SFT2D2: variants seen among roughly 807,000 people sequenced by gnomAD.
SFT2D2 encodes the protein SFT2 domain containing 2, also known as vesicle transport protein SFT2B.
A neutral mutation model predicts 27.4 loss-of-function variants in SFT2D2; 21 were observed. That is an observed-to-expected ratio of 0.77 (90% confidence interval 0.54 to 1.10). The LOEUF is 1.10. Among genes scored for constraint, SFT2D2 ranks in the 50% least tolerant of loss-of-function variants. The pLI is 0.00. For synonymous variants in SFT2D2, 72 were observed against 71.7 expected (o/e 1.00, Z -0.02); for missense variants, 187 against 194.2 (o/e 0.96, Z 0.22).
Position 168,250,305 on chromosome 1 carries a change from C to T in SFT2D2, c.*7765C>T, listed in dbSNP as rs1228703749. ...GAGGAAGAAATCCATTTCAAATCTGCTGAAACCTGTTACCAAGCAACAGCA... is the reference window on the plus strand; with the variant it reads ...GAGGAAGAAATCCATTTCAAATCTGTTGAAACCTGTTACCAAGCAACAGCA... On this transcript the variant is annotated 3_prime_UTR_variant, in exon 8 of 8. Transcript: ENST00000271375. The T allele has an allele frequency of 6.6e-6, 1 of 152,194 alleles. No homozygotes were observed. Among genetic ancestry groups the T allele is most frequent in the East Asian group, 1.9e-4 (1 of 5,204 alleles). 9.4% of individuals were successfully genotyped at this position (152,194 alleles called of 1,614,324 possible).
At position 168,236,767 on chromosome 1, in the gene SFT2D2, CGTG is replaced by C; in HGVS notation, c.413_413+2del. ...TGCATTTTGCAGTCTTTGGCATTGA[CGTG>C]GTAAGTAACCTTTTAAACAATCCCC... On this transcript the variant is annotated inframe_deletion and splice_region_variant, in exon 6 of 8. Transcript: ENST00000271375. The C allele has an allele frequency of 6.2e-7, 1 of 1,614,120 alleles. No individual in the cohort carries two copies. Among genetic ancestry groups the C allele is most frequent in the Non-Finnish European group, 8.5e-7 (1 of 1,179,974 alleles).
intron 1 of SFT2D2, among the ~76,000 whole-genome samples, chr1:168,227,251 T>G (rs1339435833): frequency 6.6e-6 from 1 of 152,240 alleles, no homozygotes; most frequent in African/African-American, 2.4e-5. Flanking sequence ...AAATAACGTT[T>G]CTCTTCGCTT....
rs1181265567 is a variant in SFT2D2 at position 168,243,300 on chromosome 1, C to T, written c.*760C>T. 1 of 101,906 alleles carries T rather than the reference C, an allele frequency of 9.8e-6. No individual in the cohort carries two copies. Among genetic ancestry groups the T allele is most frequent in the Non-Finnish European group, 2.6e-5 (1 of 38,364 alleles). 6.3% of individuals were successfully genotyped at this position (101,906 alleles called of 1,614,324 possible). A position where few individuals can be genotyped will look rare whatever the true frequency, so the allele number is the denominator to read the frequency against. ...AACAGAGCAGCAGCAGAAAATGCTG[C>T]TGTTTTTTTTTTGGACGAGAGCCCA... is the stretch of plus-strand genomic sequence containing the variant. On this transcript the variant is annotated 3_prime_UTR_variant, in exon 8 of 8. Transcript: ENST00000271375.
intron 6 of SFT2D2, among the ~76,000 whole-genome samples, chr1:168,238,704 A>AT (rs1230039671): frequency 6.6e-6 from 1 of 152,010 alleles, no homozygotes; most frequent in East Asian, 1.9e-4. Flanking sequence ...TCTCAAAAAA[A>AT]AAAATAAATA....
intron 3 of SFT2D2, among the ~76,000 whole-genome samples, chr1:168,233,354 C>G (rs1467173563): frequency 6.6e-6 from 1 of 152,196 alleles, no homozygotes; most frequent in Non-Finnish European, 1.5e-5. Context: ...TTCCTTTGGA[C>G]TCTCAGTATC....
At chr1:168,237,274 C>T (rs944211812) in intron 6 of SFT2D2, among the ~76,000 whole-genome samples, 1 of 152,130 alleles carries the variant, frequency 6.6e-6, no homozygotes, top group Non-Finnish European at 1.5e-5. Flanking sequence ...AATGGAAAAA[C>T]GTGTGTCTGT....
chr1:168,239,770 A>G (rs1424559694), intron 7 of SFT2D2, among the ~76,000 whole-genome samples: 1 of 151,948 alleles, frequency 6.6e-6, no homozygotes, highest in Non-Finnish European at 1.5e-5. Flanking sequence ...GGACCTCTCA[A>G]AATTAGCCGC....
rs1397692041 is a variant in SFT2D2 at position 168,252,340 on chromosome 1, T to A, written c.*9800T>A. ...CCCCGATATAAATGGACTAGCTACC[T>A]GGACATAATATCCTTGTGAGGCATC... On this transcript the variant is annotated 3_prime_UTR_variant, in exon 8 of 8. Coordinates refer to ENST00000271375, the MANE Select transcript of SFT2D2 (RefSeq NM_199344.3). 1 of 152,234 alleles carries A rather than the reference T, an allele frequency of 6.6e-6. No homozygotes were observed. Among genetic ancestry groups the A allele is most frequent in the Admixed American group, 6.5e-5 (1 of 15,276 alleles). The allele number at this position is 152,234 out of a possible 1,614,324, so 9.4% of individuals were successfully genotyped here. A position where few individuals can be genotyped will look rare whatever the true frequency, so the allele number is the denominator to read the frequency against.
At chr1:168,231,665 G>C in intron 2 of SFT2D2, 65 bp downstream of exon 2, 1 of 1,533,666 alleles carries the variant, frequency 6.5e-7, no homozygotes, top group Non-Finnish European at 9.0e-7. Context: ...TCCCCCTTTT[G>C]TCCACCTCCT....
chr1:168,234,935 T>G (rs1235884674), intron 3 of SFT2D2, among the ~76,000 whole-genome samples, 166 bp from the exon 4 acceptor site: 1 of 152,216 alleles, frequency 6.6e-6, no homozygotes, highest in Non-Finnish European at 1.5e-5. Context: ...AGGTTGGTTG[T>G]TGATGGATTA....
chr1:168,226,047 T>G lies in SFT2D2; in HGVS notation c.-33T>G. On this transcript the variant is annotated 5_prime_UTR_variant, in exon 1 of 8. Coordinates refer to ENST00000271375, the MANE Select transcript of SFT2D2 (RefSeq NM_199344.3). ...CTTAGCGAGCGCAACAGGCTGCCGCTGAGGAGCTGGAGCTGGTGGGGACTG... is the reference window on the plus strand; with the variant it reads ...CTTAGCGAGCGCAACAGGCTGCCGCGGAGGAGCTGGAGCTGGTGGGGACTG... The G allele has an allele frequency of 1.3e-6, 2 of 1,495,158 alleles. No individual in the cohort carries two copies. The highest frequency in any genetic ancestry group is 1.4e-5 in the African/African-American group (1 of 69,228). 92.6% of individuals were successfully genotyped at this position (1,495,158 alleles called of 1,614,324 possible).
At position 168,242,517 on chromosome 1, in the gene SFT2D2, T is replaced by C; in HGVS notation, c.460T>C (p.Cys154Arg). ...CTTTCCTAGGGATGCTGTGAAGAAG[T>C]GTTTTGCCGTGTGTCTTGCATAATT... ...IPFARDAVKK[C>R]FAVCLA Residue 154 changes from cysteine to arginine, a missense_variant, in exon 8 of 8, where the codon TGT becomes CGT. By Grantham distance (180) the Cys-to-Arg change is radical. Transcript: ENST00000271375. The C allele has an allele frequency of 6.2e-7, 1 of 1,614,176 alleles. No individual in the cohort carries two copies. Among genetic ancestry groups the C allele is most frequent in the Non-Finnish European group, 8.5e-7 (1 of 1,180,020 alleles).
chr1:168,229,255 T>G (rs1478878947), intron 1 of SFT2D2, among the ~76,000 whole-genome samples: 1 of 152,230 alleles, frequency 6.6e-6, no homozygotes. Context: ...AGTCTCGCTC[T>G]GTCGCCCAGG....
At position 168,247,070 on chromosome 1, in the gene SFT2D2, T is replaced by C. The variant is rs756135998; in HGVS notation, c.*4530T>C. On this transcript the variant is annotated 3_prime_UTR_variant, in exon 8 of 8. Coordinates refer to ENST00000271375, the MANE Select transcript of SFT2D2 (RefSeq NM_199344.3). ...TTCAAGTTTTTGATATTCTGTGATATTTCTTTTTTTTCAGATAGTCTCTTT... is the reference window on the plus strand; with the variant it reads ...TTCAAGTTTTTGATATTCTGTGATACTTCTTTTTTTTCAGATAGTCTCTTT... The C allele has an allele frequency of 7.5e-6, 3 of 399,570 alleles. No homozygotes were observed. Among genetic ancestry groups the C allele is most frequent in the South Asian group, 4.0e-5 (2 of 49,422 alleles). 24.8% of individuals were successfully genotyped at this position (399,570 alleles called of 1,614,324 possible). A position where few individuals can be genotyped will look rare whatever the true frequency, so the allele number is the denominator to read the frequency against.
In SFT2D2 at chr1:168,236,789, A is replaced by G. The variant is rs773341965; in HGVS notation, c.413+19A>G. 1.8e-5 allele frequency: 29 copies of G among 1,613,040 alleles called. No individual in the cohort carries two copies. In the South Asian group the frequency reaches 1.9e-4, roughly 10 times the overall value. On this transcript the variant is annotated intron_variant, in intron 6 of 7. Coordinates refer to ENST00000271375, the MANE Select transcript of SFT2D2 (RefSeq NM_199344.3). The stretch of plus-strand genomic sequence containing the variant: ...TGACGTGGTAAGTAACCTTTTAAAC[A>G]ATCCCCTCCCACATAGCCCACTGAA...
chr1:168,236,769 T>G lies in SFT2D2; in HGVS notation c.412T>G (p.Trp138Gly). Residue 138 changes from tryptophan to glycine, a missense_variant and splice_region_variant, in exon 6 of 8, where the codon TGG becomes GGG. By Grantham distance (184) the Trp-to-Gly change is radical. Coordinates refer to ENST00000271375, the MANE Select transcript of SFT2D2 (RefSeq NM_199344.3). Reference protein sequence around the residue: ...FCILQSLALTWYSLSFIPFAR... With the variant: ...FCILQSLALTGYSLSFIPFAR... ...CATTTTGCAGTCTTTGGCATTGACG[T>G]GGTAAGTAACCTTTTAAACAATCCC... The G allele has an allele frequency of 6.2e-7, 1 of 1,614,182 alleles. No homozygotes were observed. The highest frequency in any genetic ancestry group is 8.5e-7 in the Non-Finnish European group (1 of 1,179,982).
At chr1:168,239,087 C>A (rs752395361) in intron 6 of SFT2D2, 44 bp from the exon 7 acceptor site, 2 of 1,438,328 alleles carry the variant, frequency 1.4e-6, no homozygotes, top group Non-Finnish European at 2.0e-6. Flanking sequence ...TAATCTGCTA[C>A]TCCCTTCATC....
chr1:168,246,614 C>T lies in SFT2D2; in HGVS notation c.*4074C>T. ...TCCTGTAAATGACGCAATTTATCTA[C>T]TGTGCCCTGGAAATCAAGCTCTTGG... On this transcript the variant is annotated 3_prime_UTR_variant, in exon 8 of 8. Coordinates refer to ENST00000271375, the MANE Select transcript of SFT2D2 (RefSeq NM_199344.3). 1 of 1,467,078 alleles carries T rather than the reference C, an allele frequency of 6.8e-7. No individual in the cohort carries two copies. The highest frequency in any genetic ancestry group is 1.1e-5 in the South Asian group (1 of 88,716). The allele number at this position is 1,467,078 out of a possible 1,614,324, so 90.9% of individuals were successfully genotyped here.
chr1:168,235,816 T>C (rs1647477462), intron 4 of SFT2D2, among the ~76,000 whole-genome samples: 1 of 152,246 alleles, frequency 6.6e-6, no homozygotes, highest in Non-Finnish European at 1.5e-5. Flanking sequence ...TGGACTTTTA[T>C]AGCTATTGCA....
Sources: allele counts gnomAD v4.1 joint callset (sites outside exome capture counted in the v4.1 genomes callset), GRCh38; gene constraint gnomAD v4.1.1; transcripts MANE v1.5; gene names NCBI Gene and HGNC (gene_info 2026-07-23, HGNC 2026-07-21).